QTRT1: variants seen among roughly 807,000 people sequenced by gnomAD.
QTRT1 encodes the protein TGT, 43-KD subunit.
A neutral mutation model predicts 44.0 loss-of-function variants in QTRT1; 41 were observed. That is an observed-to-expected ratio of 0.93 (90% CI 0.73 to 1.21). The LOEUF (loss-of-function observed/expected upper bound fraction) is 1.21. Among genes scored for constraint, QTRT1 ranks in the 50% most tolerant of loss-of-function variants. The pLI, the probability that QTRT1 is intolerant of heterozygous loss-of-function variation, is 0.00. For missense variants in QTRT1, 542 were observed against 575.8 expected, an observed-to-expected ratio of 0.94 and a Z score of 0.60; for synonymous variants, 226 against 237.1, an observed-to-expected ratio of 0.95 and a Z score of 0.43.
intron 5 of QTRT1, chr19:10,710,959 A>T (rs1251132833): frequency 6.6e-6 from 1 of 151,892 alleles, no homozygotes; most frequent in Non-Finnish European, 1.5e-5. Flanking sequence ...TCTGGGATAC[A>T]TGTGCAGAAC....
chr19:10,711,526 A>G, intron 5 of QTRT1: 1 of 151,144 alleles, frequency 6.6e-6, no homozygotes, highest in Non-Finnish European at 1.4e-5. Flanking sequence ...CAGTGGTGTG[A>G]TCTTGGCTCA....
intron 4 of QTRT1, 35 bp from the exon 5 acceptor site, chr19:10,707,464 AG>A: frequency 6.2e-7 from 1 of 1,609,200 alleles, no homozygotes; most frequent in Non-Finnish European, 8.5e-7. Context: ...CCCCCTCACC[AG>A]GCCCCTGGGG....
In QTRT1 at chr19:10,713,346, GT is replaced by G. The variant is rs1002009290; in HGVS notation, c.*84del. On this transcript the variant is annotated 3_prime_UTR_variant, in exon 10 of 10. Transcript: ENST00000250237. The surrounding 1 kb of genome is among the most constrained non-coding windows in gnomAD (Gnocchi z 4.3). ...ATACTGAAGGATTCCTTTTTGAAAGGTTTTTTTTATTGTAACTTACAGAGTG... is the reference window on the plus strand; with the variant it reads ...ATACTGAAGGATTCCTTTTTGAAAGGTTTTTTTATTGTAACTTACAGAGTG... 249 of 1,537,632 alleles carry G rather than the reference GT, an allele frequency of 1.6e-4. No homozygotes were observed. The highest frequency in any genetic ancestry group is 2.1e-4 in the Non-Finnish European group (232 of 1,130,896).
intron 3 of QTRT1, among the ~76,000 whole-genome samples, chr19:10,705,392 C>A (rs570187341): frequency 6.6e-6 from 1 of 151,278 alleles, no homozygotes. Flanking sequence ...GTGCCCATCA[C>A]CACACCTGGC....
intron 5 of QTRT1, among the ~76,000 whole-genome samples, chr19:10,708,647 A>T (rs1381473766): frequency 4.0e-5 from 6 of 151,712 alleles, no homozygotes; most frequent in African/African-American, 7.3e-5. Context: ...ATCCGACCAG[A>T]GTTGGAGCTA....
At chr19:10,707,065 G>A (rs541413588) in intron 3 of QTRT1, among the ~76,000 whole-genome samples, 36 of 152,330 alleles carry the variant, frequency 2.4e-4, no homozygotes, top group African/African-American at 8.4e-4. Flanking sequence ...TATATTTTAG[G>A]ATTTTATTTT....
At chr19:10,707,246 G>T in intron 3 of QTRT1, 56 bp from the exon 4 acceptor site, 9 of 1,578,390 alleles carry the variant, frequency 5.7e-6, no homozygotes, top group Non-Finnish European at 7.8e-6. Flanking sequence ...GTGACGGCAG[G>T]CTTTCCCCAA....
In QTRT1 at chr19:10,713,176, T is replaced by C; in HGVS notation, c.1118T>C (p.Val373Ala). The change falls in exon 10 of 10, where the codon GTG becomes GCG. Residue 373 changes from valine (V) to alanine (A), a missense_variant. Physicochemically the swap from Val to Ala is moderately conservative, Grantham distance 64 (BLOSUM62 0). Transcript: ENST00000250237. The surrounding 1 kb of genome is among the most constrained non-coding windows in gnomAD (Gnocchi z 4.3). ...SIVEKRFPDF[V>A]RDFMGAMYGD... ...GTGGAGAAGCGCTTCCCGGACTTCG[T>C]GCGGGACTTCATGGGCGCCATGTAC... 1 of 1,609,990 alleles carries C rather than the reference T, an allele frequency of 6.2e-7. No individual in the cohort carries two copies. Among genetic ancestry groups the C allele is most frequent in the Non-Finnish European group, 8.5e-7 (1 of 1,178,286 alleles).
rs35329214 is a variant in QTRT1, at chr19:10,703,067, C to CT, written c.451+836dup. ...TCCAGGCGTGAGCCACCACACCTGGCTTTTTTTTTTTTTTTTTTTTTTTGA... is the reference window on the plus strand; with the variant it reads ...TCCAGGCGTGAGCCACCACACCTGGCTTTTTTTTTTTTTTTTTTTTTTTTGA... On this transcript the variant is annotated intron_variant, in intron 3 of 9. Coordinates refer to ENST00000250237, the MANE Select transcript of QTRT1 (RefSeq NM_031209.3). Among the ~76,000 whole-genome samples the CT allele has an allele frequency of 7.7e-3, 330 of 42,976 alleles. 6 individuals carry two copies. Among genetic ancestry groups the CT allele is most frequent in the East Asian group, 0.011 (16 of 1,516 alleles). 28.2% of individuals were successfully genotyped at this position (42,976 alleles called of 152,430 possible).
intron 3 of QTRT1, among the ~76,000 whole-genome samples, chr19:10,704,498 G>A (rs1439686088): frequency 6.6e-6 from 1 of 151,716 alleles, no homozygotes; most frequent in African/African-American, 2.4e-5. Flanking sequence ...GTTTCATCGT[G>A]TTAGCCAGGA....
intron 3 of QTRT1, among the ~76,000 whole-genome samples, chr19:10,702,759 C>CTTT (rs34948949): frequency 1.5e-4 from 10 of 68,484 alleles, no homozygotes; most frequent in Non-Finnish European, 1.6e-4. Context: ...CAATATCCTT[C>CTTT]TTTTTTTTTT....
Position 10,701,947 on chromosome 19 carries a change from C to T in QTRT1, c.244-3C>T. 1 of 1,614,180 alleles carries T rather than the reference C, an allele frequency of 6.2e-7. No individual in the cohort carries two copies. Among genetic ancestry groups the T allele is most frequent in the South Asian group, 1.1e-5 (1 of 91,076 alleles). ...AACCTGACACTTTCTTCCATCAACC[C>T]AGGGACCCGAGCTGATCCAGAAAGC... is the stretch of plus-strand genomic sequence containing the variant. On this transcript the variant is annotated splice_polypyrimidine_tract_variant and splice_region_variant and intron_variant, in intron 1 of 9. Transcript: ENST00000250237.
chr19:10,702,354 A>G, intron 3 of QTRT1, 100 bp downstream of exon 3: 5 of 1,357,424 alleles, frequency 3.7e-6, no homozygotes, highest in Non-Finnish European at 5.0e-6. Context: ...TGAGCAGGTC[A>G]CTCCTCGCTG....
chr19:10,706,063 C>T (rs141335950), intron 3 of QTRT1, among the ~76,000 whole-genome samples: 1 of 149,526 alleles, frequency 6.7e-6, no homozygotes, highest in African/African-American at 2.5e-5. Flanking sequence ...ACTGTGTTCG[C>T]CAGGATGGTG....
chr19:10,706,686 C>CTTTTT (rs55863409), intron 3 of QTRT1: 1 of 131,370 alleles, frequency 7.6e-6, no homozygotes, highest in Admixed American at 8.1e-5. Context: ...TTTTTTTAAC[C>CTTTTT]TTTTTTTTTT....
rs759593951 is a variant in QTRT1 at position 10,701,443 on chromosome 19, G to C, written c.-18G>C. 1 of 1,533,148 alleles carries C rather than the reference G, an allele frequency of 6.5e-7. No homozygotes were observed. The highest frequency in any genetic ancestry group is 8.8e-7 in the Non-Finnish European group (1 of 1,139,420). 95.0% of individuals were successfully genotyped at this position (1,533,148 alleles called of 1,614,324 possible). A position where few individuals can be genotyped will look rare whatever the true frequency, so the allele number is the denominator to read the frequency against. On this transcript the variant is annotated 5_prime_UTR_variant, in exon 1 of 10. Transcript: ENST00000250237. ...CCGCCCACTGTGTGGTACGGCCCAC[G>C]TGGTTCCGACAGTCAAGATGGCGGG...
rs1319578924 is a variant in QTRT1 at position 10,701,966 on chromosome 19, A to G, written c.260A>G (p.Gln87Arg). The change falls in exon 2 of 10, where the codon CAG becomes CGG. Residue 87 changes from glutamine (Q) to arginine (R), a missense_variant. Gln to Arg is a conservative substitution (Grantham distance 43). Coordinates refer to ENST00000250237, the MANE Select transcript of QTRT1 (RefSeq NM_031209.3). ...LGLRPGPELI[Q>R]KANGLHGFMN... ...TCAACCCAGGGACCCGAGCTGATCCAGAAAGCCAACGGTCTCCACGGCTTC... is the reference window on the plus strand; with the variant it reads ...TCAACCCAGGGACCCGAGCTGATCCGGAAAGCCAACGGTCTCCACGGCTTC... 1.2e-6 allele frequency: 2 copies of G among 1,614,096 alleles called. No homozygotes were observed. Among genetic ancestry groups the G allele is most frequent in the African/African-American group, 1.3e-5 (1 of 74,950 alleles).
intron 2 of QTRT1, 31 bp from the exon 3 acceptor site, chr19:10,702,085 C>T (rs368174413): frequency 2.5e-6 from 4 of 1,614,140 alleles, no homozygotes; most frequent in Admixed American, 1.7e-5. Context: ...ATCTCCACCC[C>T]CTGACAGCTT....
chr19:10,703,192 A>T (rs895413696), intron 3 of QTRT1, among the ~76,000 whole-genome samples: 9 of 150,310 alleles, frequency 6.0e-5, no homozygotes, highest in African/African-American at 2.2e-4. Flanking sequence ...CCTGCTGAGT[A>T]GCTGGGATTA....
Sources: gnomAD v4.1 joint callset for allele counts (sites outside exome capture counted in the v4.1 genomes callset) on GRCh38, gnomAD v4.1.1 for gene constraint, Gnocchi (gnomAD v3.1) non-coding constraint, MANE v1.5 for transcripts, NCBI Gene and HGNC (gene_info 2026-07-23, HGNC 2026-07-21) for gene names.